Variants in SDK1 observed in about 807,000 individuals in gnomAD.
SDK1 encodes the protein sidekick cell adhesion molecule 1, also known as protein sidekick-1.
Under a neutral mutation model 245.5 loss-of-function variants are expected in SDK1, and 157 were observed. The ratio of observed to expected loss-of-function variants is 0.64; its 90% CI spans 0.56 to 0.73. The LOEUF (loss-of-function observed/expected upper bound fraction) is 0.73. Ranked by LOEUF, SDK1 falls within the 30% of genes least tolerant of loss-of-function variation. The pLI is 0.00. For synonymous variants in SDK1, 1,647 were observed against 1,278.5 expected (o/e 1.29, Z -6.15); for missense variants, 3,583 against 3,002.3 (o/e 1.19, Z -4.52).
intron 4 of SDK1, among the ~76,000 whole-genome samples, chr7:3,712,648 C>T (rs920223746): frequency 6.6e-6 from 1 of 152,158 alleles, no homozygotes; most frequent in Non-Finnish European, 1.5e-5. Context: ...ATGGATAGGA[C>T]ATTTCACTGC....
intron 20 of SDK1, among the ~76,000 whole-genome samples, chr7:4,068,148 G>A (rs1334653626): frequency 6.6e-6 from 1 of 152,162 alleles, no homozygotes; most frequent in African/African-American, 2.4e-5. Flanking sequence ...TTACTGTGTG[G>A]GCAGCAGCCA....
At chr7:3,793,911 G>A (rs1033307544) in intron 4 of SDK1, among the ~76,000 whole-genome samples, 1 of 152,134 alleles carries the variant, frequency 6.6e-6, no homozygotes, top group African/African-American at 2.4e-5. Flanking sequence ...TCCGGGAGCA[G>A]GGTGCTCCCT....
intron 5 of SDK1, among the ~76,000 whole-genome samples, chr7:3,822,816 A>T (rs1277258486): frequency 6.6e-6 from 1 of 151,860 alleles, no homozygotes; most frequent in Non-Finnish European, 1.5e-5. Flanking sequence ...GAGTGATAGT[A>T]TTTGCCTGAC....
At chr7:3,756,554 CT>C (rs112611055) in intron 4 of SDK1, among the ~76,000 whole-genome samples, 298 of 144,774 alleles carry the variant, frequency 2.1e-3, no homozygotes, top group Middle Eastern at 3.5e-3. Flanking sequence ...TAGTTTATTC[CT>C]TTTTTTTTTT....
intron 1 of SDK1, among the ~76,000 whole-genome samples, chr7:3,597,112 T>G (rs181623102): frequency 6.6e-6 from 1 of 151,602 alleles, no homozygotes; most frequent in Non-Finnish European, 1.5e-5. Flanking sequence ...CTACTAAAAA[T>G]ACACAAAAAA....
chr7:4,068,135 C>A (rs1179432097), intron 20 of SDK1, among the ~76,000 whole-genome samples, 199 bp downstream of exon 20: 2 of 151,960 alleles, frequency 1.3e-5, no homozygotes, highest in Non-Finnish European at 2.9e-5. Context: ...GGTCTGGGGC[C>A]CTTTACTGTG....
chr7:4,220,435 C>T (rs776495398), intron 39 of SDK1, among the ~76,000 whole-genome samples, 165 bp downstream of exon 39: 6 of 151,720 alleles, frequency 4.0e-5, no homozygotes, highest in African/African-American at 4.8e-5. Flanking sequence ...TTCAAAAGCA[C>T]GCGTCAACAT....
chr7:4,109,219 T>C (rs1783163413), intron 22 of SDK1, among the ~76,000 whole-genome samples: 1 of 152,170 alleles, frequency 6.6e-6, no homozygotes, highest in Non-Finnish European at 1.5e-5. Flanking sequence ...TGACTGTGTG[T>C]AGCTTTTGGA....
chr7:3,866,063 A>G (rs188552309), intron 5 of SDK1, among the ~76,000 whole-genome samples: 1 of 152,342 alleles, frequency 6.6e-6, no homozygotes, highest in East Asian at 1.9e-4. Context: ...AGAATACAGA[A>G]TAAAACATTA....
rs73673657 is a variant in SDK1, at chr7:3,633,492, C to G, written c.459-5512C>G. Among the ~76,000 whole-genome samples, 843 of 152,182 alleles carry G rather than the reference C, an allele frequency of 5.5e-3. 8 individuals carry two copies. The highest frequency in any genetic ancestry group is 0.02 in the African/African-American group (812 of 41,514). On this transcript the variant is annotated intron_variant, in intron 2 of 44. Coordinates refer to ENST00000404826, the MANE Select transcript of SDK1 (RefSeq NM_152744.4). ...GATGTTTTCTAAAATTTTAGTGGCTCATACTCAAGAGAACTTCTTATAACA... is the reference window on the plus strand; with the variant it reads ...GATGTTTTCTAAAATTTTAGTGGCTGATACTCAAGAGAACTTCTTATAACA...
intron 1 of SDK1, among the ~76,000 whole-genome samples, chr7:3,421,785 T>G (rs1055306986): frequency 1.3e-5 from 2 of 152,146 alleles, no homozygotes; most frequent in Non-Finnish European, 2.9e-5. Flanking sequence ...TTTAGAGTAC[T>G]GTAGGTTTAT....
intron 1 of SDK1, among the ~76,000 whole-genome samples, chr7:3,439,506 G>C (rs1482577564): frequency 6.6e-6 from 1 of 152,170 alleles, no homozygotes; most frequent in Non-Finnish European, 1.5e-5. Context: ...AATGTGCCAA[G>C]AAGCATAAGC....
intron 1 of SDK1, among the ~76,000 whole-genome samples, chr7:3,342,086 A>C (rs1476638584): frequency 6.6e-6 from 1 of 152,250 alleles, no homozygotes; most frequent in Non-Finnish European, 1.5e-5. Flanking sequence ...GAGAACTAAA[A>C]AAATACATAA....
chr7:3,796,319 A>G (rs1778958751), intron 4 of SDK1, among the ~76,000 whole-genome samples: 1 of 152,238 alleles, frequency 6.6e-6, no homozygotes, highest in Admixed American at 6.5e-5. Context: ...TTAAATAGAA[A>G]TGGAGAGGTT....
At chr7:3,703,077 A>C (rs1784784232) in intron 4 of SDK1, among the ~76,000 whole-genome samples, 1 of 151,916 alleles carries the variant, frequency 6.6e-6, no homozygotes, top group South Asian at 2.1e-4. Flanking sequence ...AAAAAAAAAA[A>C]AAAATGTATG....
intron 1 of SDK1, among the ~76,000 whole-genome samples, chr7:3,306,156 G>C (rs1260513786): frequency 6.6e-6 from 1 of 152,246 alleles, no homozygotes; most frequent in African/African-American, 2.4e-5. Context: ...AAACAGTATT[G>C]AGTAATCTGA....
chr7:4,098,232 C>T (rs1045657890), intron 22 of SDK1, among the ~76,000 whole-genome samples: 11 of 152,120 alleles, frequency 7.2e-5, no homozygotes, highest in African/African-American at 1.2e-4. Context: ...AAAATACTGC[C>T]GCATACGTGA....
chr7:3,507,256 C>G (rs952630365), intron 1 of SDK1, among the ~76,000 whole-genome samples: 34 of 152,170 alleles, frequency 2.2e-4, no homozygotes, highest in African/African-American at 7.5e-4. Flanking sequence ...TGAAATCTCA[C>G]CCTACACATG....
intron 17 of SDK1, among the ~76,000 whole-genome samples, chr7:4,036,844 T>A (rs1788256754): frequency 6.6e-6 from 1 of 152,122 alleles, no homozygotes; most frequent in African/African-American, 2.4e-5. Context: ...TGCAGAACTG[T>A]GAGAAATAAA....
Sources: allele counts gnomAD v4.1 joint callset (sites outside exome capture counted in the v4.1 genomes callset), GRCh38; gene constraint gnomAD v4.1.1; transcripts MANE v1.5; gene names NCBI Gene and HGNC (gene_info 2026-07-23, HGNC 2026-07-21).